ADRA1A: variants seen among roughly 807,000 people sequenced by gnomAD.
The protein encoded by ADRA1A is adrenoceptor alpha 1A.
In ADRA1A, 31 loss-of-function variants were observed where a neutral mutation model predicts 29.6. The ratio of observed to expected loss-of-function variants is 1.05; its 90% confidence interval spans 0.79 to 1.41. The LOEUF is 1.41. ADRA1A is among the 40% of genes most tolerant of loss of function. ADRA1A has a pLI of 0.00. For synonymous variants in ADRA1A, 311 were observed against 254.3 expected (o/e 1.22, Z -2.12); for missense variants, 619 against 601.1 (o/e 1.03, Z -0.31).
chr8:26,798,333 G>C (rs1485214092), intron 2 of ADRA1A, among the ~76,000 whole-genome samples: 1 of 152,150 alleles, frequency 6.6e-6, no homozygotes, highest in Non-Finnish European at 1.5e-5. Flanking sequence ...CAGAGAATTA[G>C]ATGGGCGAGA....
chr8:26,764,178 C>T (rs977980848), downstream of ADRA1A, among the ~76,000 whole-genome samples: 1 of 152,180 alleles, frequency 6.6e-6, no homozygotes, highest in Non-Finnish European at 1.5e-5. Flanking sequence ...CAATGACCCA[C>T]AGGCTGACCG....
At chr8:26,801,324 A>T (rs183037393) in intron 2 of ADRA1A, among the ~76,000 whole-genome samples, 37 of 152,306 alleles carry the variant, frequency 2.4e-4, no homozygotes, top group Admixed American at 2.2e-3. Flanking sequence ...ATTGGAAAGG[A>T]AGAAGTCAAA....
At chr8:26,861,692 C>A (rs187908864) in intron 2 of ADRA1A, among the ~76,000 whole-genome samples, 58 of 152,316 alleles carry the variant, frequency 3.8e-4, no homozygotes, top group Non-Finnish European at 7.2e-4. Context: ...CCTGCAGCCC[C>A]TTGCAGCCAC....
chr8:26,842,551 C>A (rs1417658576), intron 2 of ADRA1A, among the ~76,000 whole-genome samples: 2 of 152,094 alleles, frequency 1.3e-5, no homozygotes, highest in Admixed American at 1.3e-4. Flanking sequence ...TATTTTACTG[C>A]CACACCCCTG....
At chr8:26,862,099 G>T (rs1813516195) in intron 2 of ADRA1A, among the ~76,000 whole-genome samples, 1 of 152,154 alleles carries the variant, frequency 6.6e-6, no homozygotes, top group African/African-American at 2.4e-5. Context: ...ATATGACTTT[G>T]GTGTTGTCTA....
At chr8:26,791,593 T>A (rs372994282) in intron 2 of ADRA1A, among the ~76,000 whole-genome samples, 3 of 152,070 alleles carry the variant, frequency 2.0e-5, no homozygotes, top group African/African-American at 7.2e-5. Context: ...AGGTTTTATC[T>A]GCATAGGAAC....
At chr8:26,801,094 G>T (rs186666428) in intron 2 of ADRA1A, among the ~76,000 whole-genome samples, 42 of 152,120 alleles carry the variant, frequency 2.8e-4, no homozygotes, top group African/African-American at 1.0e-3. Context: ...ATGATAAAAA[G>T]CCTCAAAAAA....
chr8:26,748,616 G>T (rs934421618), exon 3 of ADRA1A: 6 of 424,686 alleles, frequency 1.4e-5, no homozygotes, highest in African/African-American at 1.3e-4. Flanking sequence ...GCGTCGGCCT[G>T]GTGGCACATC....
chr8:26,858,117 G>T (rs1170682136), intron 2 of ADRA1A, among the ~76,000 whole-genome samples: 1 of 152,176 alleles, frequency 6.6e-6, no homozygotes, highest in Admixed American at 6.5e-5. Context: ...CTATCAATGT[G>T]CTGCCTCCTG....
chr8:26,811,873 T>C (rs1485009504), intron 2 of ADRA1A, among the ~76,000 whole-genome samples: 1 of 152,226 alleles, frequency 6.6e-6, no homozygotes, highest in Non-Finnish European at 1.5e-5. Context: ...GCATTACCTC[T>C]GCGTGATTCA....
At chr8:26,843,244 T>A (rs1462693060) in intron 2 of ADRA1A, among the ~76,000 whole-genome samples, 1 of 152,196 alleles carries the variant, frequency 6.6e-6, no homozygotes, top group South Asian at 2.1e-4. Flanking sequence ...CAGCAGATGC[T>A]CAGTGCTTTG....
chr8:26,866,010 T>A lies in ADRA1A; in HGVS notation c.-686-355A>T, dbSNP rs541780141. Among the ~76,000 whole-genome samples, 1 of 152,326 alleles carries A rather than the reference T, an allele frequency of 6.6e-6. No homozygotes were observed. Among genetic ancestry groups the A allele is most frequent in the African/African-American group, 2.4e-5 (1 of 41,576 alleles). The stretch of plus-strand genomic sequence containing the variant: ...GAAGCCCCGGAGGGGCGACTGCGGC[T>A]GGCGAGTGTGTCGCACGGATCCTAG... On this transcript the variant is annotated intron_variant, in intron 1 of 2. Coordinates refer to ENST00000380573, the MANE Select transcript of ADRA1A (RefSeq NM_000680.4). This position sits in a 1 kb window ranked among gnomAD's most constrained non-coding sequence, Gnocchi z 5.7.
chr8:26,779,080 C>A, intron 2 of ADRA1A: 2 of 466,756 alleles, frequency 4.3e-6, no homozygotes, highest in Non-Finnish European at 7.5e-6. Context: ...GTACATATCA[C>A]AGTTTTTAAG....
intron 2 of ADRA1A, chr8:26,779,546 G>A: frequency 1.7e-6 from 1 of 590,976 alleles, no homozygotes; most frequent in South Asian, 2.2e-5. Flanking sequence ...TGACAAGCAG[G>A]ATGATGAAGG....
intron 2 of ADRA1A, among the ~76,000 whole-genome samples, chr8:26,826,008 G>T (rs1322558898): frequency 3.3e-5 from 5 of 152,130 alleles, no homozygotes; most frequent in Non-Finnish European, 7.4e-5. Context: ...TGAGAAGATG[G>T]CCAGCTCACT....
Position 26,831,102 on chromosome 8 carries a change from C to A in ADRA1A, c.883+32985G>T, listed in dbSNP as rs928314089. The stretch of plus-strand genomic sequence containing the variant: ...CTGGTTGGGGCTCTGCCATCACAGT[C>A]TCTGGAGCTGTAACCTAATCACATA... On this transcript the variant is annotated intron_variant, in intron 2 of 2. Coordinates refer to ENST00000380573, the MANE Select transcript of ADRA1A (RefSeq NM_000680.4). This position sits in a 1 kb window ranked among gnomAD's most constrained non-coding sequence, Gnocchi z 5.2. Among the ~76,000 whole-genome samples, 1 of 152,134 alleles carries A rather than the reference C, an allele frequency of 6.6e-6. No individual in the cohort carries two copies. The highest frequency in any genetic ancestry group is 1.9e-4 in the East Asian group (1 of 5,198).
chr8:26,838,014 G>A (rs1200373717), intron 2 of ADRA1A, among the ~76,000 whole-genome samples: 1 of 152,236 alleles, frequency 6.6e-6, no homozygotes, highest in Non-Finnish European at 1.5e-5. Context: ...TCCGGCTTGA[G>A]TTGCTCCAGT....
intron 2 of ADRA1A, among the ~76,000 whole-genome samples, chr8:26,785,671 C>A (rs945560497): frequency 1.3e-5 from 2 of 152,040 alleles, no homozygotes; most frequent in African/African-American, 2.4e-5. Context: ...AGCCATCAAG[C>A]GAGTGGCTTC....
At chr8:26,803,857 G>C (rs62492224) in intron 2 of ADRA1A, among the ~76,000 whole-genome samples, 1 of 150,648 alleles carries the variant, frequency 6.6e-6, no homozygotes, top group South Asian at 2.1e-4. Context: ...AATGAAAAGC[G>C]TAATGAGATA....
Sources: gnomAD v4.1 joint callset for allele counts (sites outside exome capture counted in the v4.1 genomes callset) on GRCh38, gnomAD v4.1.1 for gene constraint, Gnocchi (gnomAD v3.1) non-coding constraint, MANE v1.5 for transcripts, NCBI Gene and HGNC (gene_info 2026-07-23, HGNC 2026-07-21) for gene names.